The following SEC14L1 variants were observed in gnomAD, a reference collection of about 807,000 sequenced individuals.
The protein encoded by SEC14L1 is SEC14-like protein 1.
Under a neutral mutation model 85.3 loss-of-function variants are expected in SEC14L1, and 48 were observed. The ratio of observed to expected loss-of-function variants is 0.56; its 90% CI spans 0.45 to 0.72. The LOEUF is 0.72. SEC14L1 is among the 30% of genes least tolerant of loss of function. The probability of loss-of-function intolerance (pLI) is 0.00; values close to 1 mark genes in which losing one functional copy is unlikely to be tolerated. For missense variants in SEC14L1, 682 were observed against 921.4 expected, an observed-to-expected ratio of 0.74 and a Z score of 3.36; for synonymous variants, 391 against 355.5, an observed-to-expected ratio of 1.10 and a Z score of -1.12.
intron 3 of SEC14L1, among the ~76,000 whole-genome samples, chr17:77,123,473 G>A (rs1389355273): frequency 7.0e-6 from 1 of 143,438 alleles, no homozygotes; most frequent in Non-Finnish European, 1.5e-5. Flanking sequence ...GTGCGGTGGC[G>A]AGATCTTGGC....
chr17:77,111,763 G>C (rs917165855), intron 3 of SEC14L1, among the ~76,000 whole-genome samples: 4 of 152,220 alleles, frequency 2.6e-5, no homozygotes, highest in Admixed American at 1.3e-4. Flanking sequence ...AAGTAATTAA[G>C]TTGCTTTCAA....
Position 77,191,331 on chromosome 17 carries a change from G to C in SEC14L1, c.345+19G>C. 2 of 1,613,314 alleles carry C rather than the reference G, an allele frequency of 1.2e-6. No homozygotes were observed. Among genetic ancestry groups the C allele is most frequent in the Non-Finnish European group, 1.7e-6 (2 of 1,179,586 alleles). On this transcript the variant is annotated intron_variant, in intron 5 of 16. Coordinates refer to ENST00000436233, the MANE Select transcript of SEC14L1 (RefSeq NM_001143998.2). ...CTACACCGTGAGTAATCTGTCACTCGGCGGAAGATGTTCTGCCGACATATG... is the reference window on the plus strand; with the variant it reads ...CTACACCGTGAGTAATCTGTCACTCCGCGGAAGATGTTCTGCCGACATATG...
Position 77,103,445 on chromosome 17 carries a change from G to A in SEC14L1, c.-136+10098G>A, listed in dbSNP as rs188513716. 8.8e-3 allele frequency among the ~76,000 whole-genome samples: 1,305 copies of A among 148,288 alleles called. 26 individuals are homozygous for A. Among genetic ancestry groups the A allele is most frequent in the African/African-American group, 0.031 (1,238 of 40,314 alleles). ...TCTTTTTTGTTGTTGTTTTTTTTTT[G>A]TTGTTGTTTTGTTTTGTTTTTGAGA... On this transcript the variant is annotated intron_variant, in intron 3 of 19. Coordinates refer to the SEC14L1 transcript ENST00000392476.
In SEC14L1 at chr17:77,200,618, C is replaced by A; in HGVS notation, c.954C>A (p.Thr318=). ...TAGACTACATTCTTGAAACCTGGACCCCTCCTCAGGTCCTTCAGGATTACT... is the reference window on the plus strand; with the variant it reads ...TAGACTACATTCTTGAAACCTGGACACCTCCTCAGGTCCTTCAGGATTACT... ...HQVDYILETW[T]PPQVLQDYYA... The change falls in exon 9 of 17, where the codon ACC becomes ACA. Residue 318 remains threonine, a synonymous_variant. Coordinates refer to ENST00000436233, the MANE Select transcript of SEC14L1 (RefSeq NM_001143998.2). 1.9e-6 allele frequency: 3 copies of A among 1,614,020 alleles called. No homozygotes were observed. Among genetic ancestry groups the A allele is most frequent in the Non-Finnish European group, 2.5e-6 (3 of 1,179,992 alleles).
chr17:77,151,187 A>T (rs1329674791), intron 3 of SEC14L1, among the ~76,000 whole-genome samples: 1 of 152,172 alleles, frequency 6.6e-6, no homozygotes, highest in Non-Finnish European at 1.5e-5. Context: ...TCAAGTCTGG[A>T]AGTGGAGGGA....
At chr17:77,207,173 A>G (rs1377713714) in intron 13 of SEC14L1, among the ~76,000 whole-genome samples, 1 of 152,234 alleles carries the variant, frequency 6.6e-6, no homozygotes, top group Non-Finnish European at 1.5e-5. Flanking sequence ...AGGAGCTGTC[A>G]TATTTTCTAA....
intron 3 of SEC14L1, among the ~76,000 whole-genome samples, chr17:77,162,608 G>C (rs913108745): frequency 2.6e-5 from 4 of 152,124 alleles, no homozygotes; most frequent in Non-Finnish European, 5.9e-5. Context: ...CGAGGCAGGT[G>C]GATCACCTGA....
intron 3 of SEC14L1, among the ~76,000 whole-genome samples, chr17:77,150,827 C>T (rs55994155): frequency 2.6e-5 from 4 of 152,134 alleles, no homozygotes; most frequent in Non-Finnish European, 5.9e-5. Context: ...CCTGAATATT[C>T]TCTGAGCTGC....
chr17:77,105,222 A>G (rs1196511998), intron 3 of SEC14L1, among the ~76,000 whole-genome samples: 1 of 152,058 alleles, frequency 6.6e-6, no homozygotes, highest in Non-Finnish European at 1.5e-5. Context: ...GGGGCCCAAG[A>G]TATTTTCCTT....
At chr17:77,093,131 C>A (rs1240981921) in intron 2 of SEC14L1, 1 of 152,122 alleles carries the variant, frequency 6.6e-6, no homozygotes, top group Non-Finnish European at 1.5e-5. Context: ...ATGTCATGTT[C>A]TAGGTGGAAG....
At chr17:77,136,735 G>A (rs926520111), upstream of SEC14L1, among the ~76,000 whole-genome samples, 12 of 152,140 alleles carry the variant, frequency 7.9e-5, no homozygotes, top group African/African-American at 2.9e-4. Flanking sequence ...CCTTTCCTCC[G>A]ACTTGCTGGC....
intron 3 of SEC14L1, among the ~76,000 whole-genome samples, chr17:77,147,386 T>A (rs1243397117): frequency 6.6e-6 from 1 of 151,540 alleles, no homozygotes; most frequent in African/African-American, 2.4e-5. Context: ...AAAAAAAACA[T>A]GTTAAAGTTC....
At chr17:77,100,789 C>T (rs1296698649) in intron 3 of SEC14L1, among the ~76,000 whole-genome samples, 8 of 152,062 alleles carry the variant, frequency 5.3e-5, no homozygotes, top group African/African-American at 1.9e-4. Flanking sequence ...CTGGTGGCCT[C>T]TCAGCGTAAC....
At chr17:77,111,745 T>TA (rs2143364742) in intron 3 of SEC14L1, among the ~76,000 whole-genome samples, 1 of 152,342 alleles carries the variant, frequency 6.6e-6, no homozygotes. Flanking sequence ...ACCCCCATTG[T>TA]ATGTAGGAAG....
chr17:77,145,067 C>A (rs1973220304), intron 3 of SEC14L1: 2 of 151,454 alleles, frequency 1.3e-5, no homozygotes, highest in East Asian at 3.9e-4. Flanking sequence ...TGCCCCCGCA[C>A]CTGGCTAATT....
chr17:77,116,827 G>T (rs75188791), intron 3 of SEC14L1, among the ~76,000 whole-genome samples: 2,532 of 152,302 alleles, frequency 0.017, 72 homozygotes, highest in African/African-American at 0.058. Context: ...GGATGCTCTG[G>T]GGTAAGTGGG....
At chr17:77,190,369 A>G (rs1006893677) in intron 3 of SEC14L1, among the ~76,000 whole-genome samples, 1 of 152,164 alleles carries the variant, frequency 6.6e-6, no homozygotes, top group East Asian at 1.9e-4. Flanking sequence ...ATAGATCTGT[A>G]TGTCAGTTAC....
At chr17:77,205,209 A>G in intron 10 of SEC14L1, 67 bp from the exon 11 acceptor site, 1 of 1,379,346 alleles carries the variant, frequency 7.2e-7, no homozygotes. Flanking sequence ...TCCCTCTTCC[A>G]TAGCTGGACG....
intron 5 of SEC14L1, among the ~76,000 whole-genome samples, chr17:77,192,478 T>C (rs1975592356): frequency 6.6e-6 from 1 of 152,204 alleles, no homozygotes; most frequent in Admixed American, 6.5e-5. Flanking sequence ...TGGTTACGCC[T>C]TTCCTGTCCT....
Sources: allele counts gnomAD v4.1 joint callset (sites outside exome capture counted in the v4.1 genomes callset), GRCh38; gene constraint gnomAD v4.1.1; transcripts MANE v1.5; gene names NCBI Gene and HGNC (gene_info 2026-07-23, HGNC 2026-07-21).